SGCZ: variants seen among roughly 807,000 people sequenced by gnomAD.
SGCZ encodes the protein sarcoglycan zeta.
A neutral mutation model predicts 41.3 loss-of-function variants in SGCZ; 40 were observed. The ratio of observed to expected loss-of-function variants is 0.97; its 90% CI spans 0.75 to 1.26. The LOEUF is 1.26. Among genes scored for constraint, SGCZ ranks in the 50% most tolerant of loss-of-function variants. SGCZ has a pLI of 0.00. For synonymous variants in SGCZ, 206 were observed against 137.5 expected (o/e 1.50, Z -3.49); for missense variants, 552 against 369.8 (o/e 1.49, Z -4.04).
In SGCZ at chr8:14,303,989, T is replaced by G. The variant is rs529632624; in HGVS notation, c.336+20114A>C. ...CTGGCCTCGAACTCCTGACCTCAAGTGATACTCCTGCCTCGGCCTCCCAAA... is the reference window on the plus strand; with the variant it reads ...CTGGCCTCGAACTCCTGACCTCAAGGGATACTCCTGCCTCGGCCTCCCAAA... On this transcript the variant is annotated intron_variant, in intron 3 of 7. Transcript: ENST00000382080. Among the ~76,000 whole-genome samples, 953 of 152,032 alleles carry G rather than the reference T, an allele frequency of 6.3e-3. 4 individuals are homozygous for G. The highest frequency in any genetic ancestry group is 0.01 in the Non-Finnish European group (694 of 67,986).
intron 1 of SGCZ, among the ~76,000 whole-genome samples, chr8:14,654,395 G>A (rs923732862): frequency 6.6e-6 from 1 of 151,914 alleles, no homozygotes; most frequent in African/African-American, 2.4e-5. Flanking sequence ...GGAAGATGAT[G>A]GTCATGAAAA....
chr8:14,438,922 TTC>T (rs1800167195), intron 2 of SGCZ, among the ~76,000 whole-genome samples: 1 of 152,058 alleles, frequency 6.6e-6, no homozygotes, highest in African/African-American at 2.4e-5. Context: ...AAGAGAAGTA[TTC>T]TGTTTTCCTT....
chr8:14,374,290 G>A (rs983443268), intron 2 of SGCZ, among the ~76,000 whole-genome samples: 1 of 152,114 alleles, frequency 6.6e-6, no homozygotes, highest in African/African-American at 2.4e-5. Flanking sequence ...GAGATGGGAG[G>A]ATAACCTGTG....
At chr8:15,144,526 G>C (rs1245175409) in intron 1 of SGCZ, among the ~76,000 whole-genome samples, 1 of 151,776 alleles carries the variant, frequency 6.6e-6, no homozygotes, top group Non-Finnish European at 1.5e-5. Context: ...GTGCAGTGGA[G>C]CCACCTTGGC....
intron 5 of SGCZ, among the ~76,000 whole-genome samples, chr8:14,108,742 T>A (rs9643971): frequency 0.36 from 53,980 of 151,946 alleles, 11,175 homozygotes; most frequent in Non-Finnish European, 0.48. Context: ...TGGAAGAATA[T>A]CACCAGGCAG....
intron 2 of SGCZ, among the ~76,000 whole-genome samples, chr8:14,544,746 T>A (rs189808784): frequency 4.6e-5 from 7 of 152,244 alleles, no homozygotes; most frequent in African/African-American, 1.7e-4. Context: ...TTCTTTAAGA[T>A]CTTTATCAAG....
At chr8:14,305,432 G>T (rs1277266457) in intron 3 of SGCZ, among the ~76,000 whole-genome samples, 3 of 152,104 alleles carry the variant, frequency 2.0e-5, no homozygotes, top group Non-Finnish European at 4.4e-5. Context: ...GTTTCATGAG[G>T]TCTATATCTT....
At chr8:14,228,381 C>G (rs13264808) in intron 4 of SGCZ, among the ~76,000 whole-genome samples, 54,491 of 151,856 alleles carry the variant, frequency 0.36, 10,190 homozygotes, top group Non-Finnish European at 0.42. Flanking sequence ...CCACTCCTTT[C>G]TTACTTTGTT....
intron 4 of SGCZ, among the ~76,000 whole-genome samples, chr8:14,208,590 T>A (rs887403650): frequency 1.3e-5 from 2 of 152,204 alleles, no homozygotes; most frequent in Non-Finnish European, 2.9e-5. Context: ...AAACTCAATA[T>A]TAGCAATTAT....
chr8:14,718,859 A>T (rs1809785825), intron 1 of SGCZ, among the ~76,000 whole-genome samples: 1 of 130,924 alleles, frequency 7.6e-6, no homozygotes, highest in African/African-American at 3.3e-5. Context: ...ATATATTTTT[A>T]TTATTATTAT....
intron 1 of SGCZ, among the ~76,000 whole-genome samples, chr8:14,872,736 T>C (rs570102487): frequency 2.1e-4 from 32 of 152,264 alleles, no homozygotes; most frequent in African/African-American, 7.5e-4. Context: ...AATGACAAAA[T>C]AGTGATAACT....
chr8:14,990,424 T>G (rs1254596931), intron 1 of SGCZ, among the ~76,000 whole-genome samples: 2 of 152,066 alleles, frequency 1.3e-5, no homozygotes, highest in African/African-American at 4.8e-5. Flanking sequence ...TTTCAGCCGC[T>G]CCCCATCGCT....
chr8:14,460,288 A>G (rs1240906489), intron 2 of SGCZ, among the ~76,000 whole-genome samples: 1 of 152,238 alleles, frequency 6.6e-6, no homozygotes, highest in African/African-American at 2.4e-5. Flanking sequence ...AAAACTGTCC[A>G]AGCTAAAAGA....
chr8:14,269,117 AT>A (rs980352054), intron 3 of SGCZ, among the ~76,000 whole-genome samples: 28 of 152,140 alleles, frequency 1.8e-4, no homozygotes, highest in Non-Finnish European at 3.5e-4. Flanking sequence ...ATAGTCATAA[AT>A]TTTTTTATTT....
chr8:15,077,861 A>T (rs1012180501), intron 1 of SGCZ, among the ~76,000 whole-genome samples: 3 of 152,182 alleles, frequency 2.0e-5, no homozygotes, highest in Non-Finnish European at 4.4e-5. Context: ...ACCTTTTGAG[A>T]GATGCAGGAG....
intron 2 of SGCZ, among the ~76,000 whole-genome samples, chr8:14,550,820 C>T (rs1229723091): frequency 1.3e-5 from 2 of 151,910 alleles, no homozygotes; most frequent in Non-Finnish European, 2.9e-5. Context: ...TGCCAAGTGA[C>T]CAAATGGAGA....
intron 5 of SGCZ, among the ~76,000 whole-genome samples, chr8:14,158,916 C>T (rs375024299): frequency 1.1e-4 from 17 of 151,862 alleles, no homozygotes; most frequent in East Asian, 9.7e-4. Flanking sequence ...CTACAGGTGC[C>T]CACCAGCACA....
chr8:14,564,697 T>C (rs945427707), intron 1 of SGCZ, among the ~76,000 whole-genome samples: 10 of 152,160 alleles, frequency 6.6e-5, no homozygotes, highest in African/African-American at 9.7e-5. Flanking sequence ...TGAAATAGAA[T>C]TTTTAAAACA....
At chr8:14,791,335 T>A (rs1046651244) in intron 1 of SGCZ, among the ~76,000 whole-genome samples, 4 of 152,084 alleles carry the variant, frequency 2.6e-5, no homozygotes, top group African/African-American at 7.2e-5. Context: ...TTGCATTGGA[T>A]GGCACTAGGA....
Sources: allele counts gnomAD v4.1 joint callset (sites outside exome capture counted in the v4.1 genomes callset), GRCh38; gene constraint gnomAD v4.1.1; transcripts MANE v1.5; gene names NCBI Gene and HGNC (gene_info 2026-07-23, HGNC 2026-07-21).